NKAIN4: variants seen among roughly 807,000 people sequenced by gnomAD.
NKAIN4 encodes the protein sodium/potassium transporting ATPase interacting 4.
A neutral mutation model predicts 28.8 loss-of-function variants in NKAIN4; 28 were observed. The observed-to-expected ratio is 0.97, with a 90% confidence interval of 0.72 to 1.33. The LOEUF (loss-of-function observed/expected upper bound fraction) is 1.33. NKAIN4 is among the 40% of genes most tolerant of loss of function. The pLI, the probability that NKAIN4 is intolerant of heterozygous loss-of-function variation, is 0.00. For synonymous variants in NKAIN4, 122 were observed against 115.6 expected (o/e 1.06, Z -0.36); for missense variants, 289 against 277.2 (o/e 1.04, Z -0.30).
At chr20:63,249,018 TG>T (rs1466059750) in intron 2 of NKAIN4, 123 bp from the exon 3 acceptor site, 1 of 696,218 alleles carries the variant, frequency 1.4e-6, no homozygotes, top group East Asian at 2.7e-5. Context: ...CTCCTGAGTC[TG>T]GCGGCCCCCA....
At chr20:63,246,144 G>A (rs1198427609) in intron 4 of NKAIN4, among the ~76,000 whole-genome samples, 1 of 152,156 alleles carries the variant, frequency 6.6e-6, no homozygotes, top group East Asian at 1.9e-4. Flanking sequence ...TAGCCAGGAT[G>A]GTCTCAGTCT....
At chr20:63,254,307 C>G in intron 1 of NKAIN4, 90 bp downstream of exon 1, 1 of 1,086,310 alleles carries the variant, frequency 9.2e-7, no homozygotes, top group Non-Finnish European at 1.2e-6. Context: ...GCGAACGGGC[C>G]CCGGGGCGGA....
At chr20:63,243,973 C>T (rs2066809528) in intron 5 of NKAIN4, 51 bp downstream of exon 5, 4 of 1,498,880 alleles carry the variant, frequency 2.7e-6, no homozygotes, top group Non-Finnish European at 3.7e-6. Context: ...TCAGAGCTGC[C>T]ACCTCTGTAG....
intron 4 of NKAIN4, among the ~76,000 whole-genome samples, chr20:63,244,724 G>A (rs980002804): frequency 6.6e-6 from 1 of 152,220 alleles, no homozygotes; most frequent in East Asian, 1.9e-4. Context: ...ACACCTCGCA[G>A]ACACCTGCAT....
chr20:63,245,189 C>A lies in NKAIN4; in HGVS notation c.472-1105G>T, dbSNP rs561009621. Among the ~76,000 whole-genome samples, 6 of 152,228 alleles carry A rather than the reference C, an allele frequency of 3.9e-5. No individual in the cohort carries two copies. Among genetic ancestry groups the A allele is most frequent in the South Asian group, 4.1e-4 (2 of 4,828 alleles). On this transcript the variant is annotated intron_variant, in intron 4 of 6. Coordinates refer to ENST00000370316, the MANE Select transcript of NKAIN4 (RefSeq NM_152864.4). This position sits in a 1 kb window ranked among gnomAD's most constrained non-coding sequence, Gnocchi z 4.7. ...AGGGGTCAGTCAGGGGCCAGGAGAC[C>A]TCTCTTACCACCAAGCAGGCAGACC...
intron 1 of NKAIN4, 78 bp downstream of exon 1, chr20:63,254,319 G>A: frequency 8.6e-7 from 1 of 1,169,172 alleles, no homozygotes; most frequent in Admixed American, 3.7e-5. Flanking sequence ...CGGGGCGGAG[G>A]GACGCTTCGG....
At chr20:63,251,761 G>A (rs1476652148) in intron 1 of NKAIN4, among the ~76,000 whole-genome samples, 1 of 152,152 alleles carries the variant, frequency 6.6e-6, no homozygotes, top group Non-Finnish European at 1.5e-5. Context: ...TCATGTCTAT[G>A]ACCTATATCT....
In NKAIN4 at chr20:63,252,141, C is replaced by A. The variant is rs1042419113; in HGVS notation, c.55-2069G>T. On this transcript the variant is annotated intron_variant, in intron 1 of 6. Transcript: ENST00000370316. This position sits in a 1 kb window ranked among gnomAD's most constrained non-coding sequence, Gnocchi z 4.6. ...CCCTGCAGCACAGAGGGGCTGGGGGCGTCTTTTTCATCTCGAAGCCAAGGC... is the reference window on the plus strand; with the variant it reads ...CCCTGCAGCACAGAGGGGCTGGGGGAGTCTTTTTCATCTCGAAGCCAAGGC... Among the ~76,000 whole-genome samples, 1 of 152,144 alleles carries A rather than the reference C, an allele frequency of 6.6e-6. No individual in the cohort carries two copies. Among genetic ancestry groups the A allele is most frequent in the Non-Finnish European group, 1.5e-5 (1 of 68,012 alleles).
chr20:63,243,097 G>C (rs1011938475), intron 5 of NKAIN4, among the ~76,000 whole-genome samples: 1 of 152,198 alleles, frequency 6.6e-6, no homozygotes, highest in African/African-American at 2.4e-5. Flanking sequence ...AGGGGCTTGC[G>C]GGGCAAAGTC....
chr20:63,253,512 C>G (rs957776434), intron 1 of NKAIN4: 2 of 985,542 alleles, frequency 2.0e-6, no homozygotes, highest in Middle Eastern at 5.2e-4. Context: ...AGGAGGGGGG[C>G]GCGCGGTCCA....
At chr20:63,248,724 G>T in intron 3 of NKAIN4, 91 bp downstream of exon 3, 1 of 820,068 alleles carries the variant, frequency 1.2e-6, no homozygotes, top group South Asian at 1.4e-5. Context: ...TGCCTCAGAC[G>T]ACAGATGAAA....
chr20:63,246,565 G>A (rs1601283720), intron 4 of NKAIN4: 1 of 985,348 alleles, frequency 1.0e-6, no homozygotes, highest in Non-Finnish European at 1.2e-6. Context: ...CTTAGATTTG[G>A]AATTCAGCTC....
intron 1 of NKAIN4, chr20:63,253,531 C>G: frequency 1.0e-6 from 1 of 984,878 alleles, no homozygotes; most frequent in Non-Finnish European, 1.2e-6. Context: ...CAGCTGCGCT[C>G]CGCAGCCCAC....
Position 63,249,041 on chromosome 20 carries a change from T to C in NKAIN4, c.193-146A>G. On this transcript the variant is annotated intron_variant, in intron 2 of 6. Coordinates refer to ENST00000370316, the MANE Select transcript of NKAIN4 (RefSeq NM_152864.4). ...TCTGGCGGCCCCCAGATGCACAGCA[T>C]GGAGAAAGGGGTCCCCCAAGCCCAC... 6.3e-6 allele frequency: 4 copies of C among 637,808 alleles called. No homozygotes were observed. The South Asian group carries it at 6.9e-5, about 11-fold the overall frequency. The allele number at this position is 637,808 out of a possible 1,614,324, so 39.5% of individuals were successfully genotyped here.
intron 4 of NKAIN4, chr20:63,244,691 GGCAGGCC>G (rs2066824319): frequency 2.6e-6 from 1 of 380,114 alleles, no homozygotes; most frequent in African/African-American, 2.1e-5. Flanking sequence ...CAGGGCAGAG[GGCAGGCC>G]GCTGCAAAGC....
chr20:63,246,722 C>G (rs1472750763), intron 4 of NKAIN4: 1 of 985,352 alleles, frequency 1.0e-6, no homozygotes, highest in African/African-American at 1.7e-5. Flanking sequence ...ACCAGCCGTG[C>G]TGCAGTCACA....
rs142657484 is a variant in NKAIN4 at position 63,248,826 on chromosome 20, C to A, written c.262G>T (p.Gly88Cys). 95 of 1,611,904 alleles carry A rather than the reference C, an allele frequency of 5.9e-5. No homozygotes were observed. The highest frequency in any genetic ancestry group is 7.8e-5 in the Non-Finnish European group (92 of 1,179,236). ...FIICFYLEVGGLLKDSELLTF... is the reference protein window; with the variant it reads ...FIICFYLEVGCLLKDSELLTF... ...CAGTCTGCACTCACCTTTAAGAGGC[C>A]ACCGACTTCCAGGTAGAAGCAGATG... The change falls in exon 3 of 7, where the codon GGC (glycine) becomes TGC (cysteine). Residue 88 changes from glycine to cysteine, a missense_variant. Coordinates refer to ENST00000370316, the MANE Select transcript of NKAIN4 (RefSeq NM_152864.4).
intron 6 of NKAIN4, among the ~76,000 whole-genome samples, chr20:63,242,022 T>C (rs1310884210): frequency 6.6e-6 from 1 of 152,048 alleles, no homozygotes. Context: ...AAACTAGGAT[T>C]GTGTACGGGG....
intron 3 of NKAIN4, 49 bp downstream of exon 3, chr20:63,248,766 G>T: frequency 1.6e-6 from 2 of 1,287,378 alleles, no homozygotes; most frequent in Non-Finnish European, 2.3e-6. Context: ...CAGGGGCCCG[G>T]CCCAGACCCC....
Sources: allele counts gnomAD v4.1 joint callset (sites outside exome capture counted in the v4.1 genomes callset), GRCh38; gene constraint gnomAD v4.1.1; non-coding constraint Gnocchi (gnomAD v3.1); transcripts MANE v1.5; gene names NCBI Gene and HGNC (gene_info 2026-07-23, HGNC 2026-07-21).